The following PFKFB3 variants were observed in gnomAD, a reference collection of about 807,000 sequenced individuals.
PFKFB3 encodes the protein 6-phosphofructo-2-kinase/fructose-2,6-biphosphatase 3, also known as 6-phosphofructo-2-kinase/fructose-2,6-bisphosphatase 3.
A neutral mutation model predicts 68.0 loss-of-function variants in PFKFB3; 33 were observed. The observed-to-expected ratio is 0.49, with a 90% confidence interval of 0.37 to 0.65. PFKFB3 has a LOEUF of 0.65. Ranked by LOEUF, PFKFB3 falls within the 30% of genes least tolerant of loss-of-function variation. PFKFB3 has a pLI of 0.00. For synonymous variants in PFKFB3, 315 were observed against 288.2 expected (o/e 1.09, Z -0.94); for missense variants, 586 against 712.2 (o/e 0.82, Z 2.02).
At chr10:6,200,672 G>T (rs1588460477), upstream of PFKFB3, among the ~76,000 whole-genome samples, 2 of 129,488 alleles carry the variant, frequency 1.5e-5, no homozygotes, top group Admixed American at 7.4e-5. Flanking sequence ...GGGGGGGGGG[G>T]GGGCGGGGGG....
chr10:6,206,738 A>C (rs1196153585), intron 1 of PFKFB3, among the ~76,000 whole-genome samples: 90 of 145,176 alleles, frequency 6.2e-4, no homozygotes, highest in Middle Eastern at 7.9e-3. Flanking sequence ...GGCGGCCAGG[A>C]AGAGGCGCTC....
intron 1 of PFKFB3, among the ~76,000 whole-genome samples, chr10:6,203,860 T>A (rs1268108147): frequency 6.6e-6 from 1 of 152,228 alleles, no homozygotes; most frequent in East Asian, 1.9e-4. Context: ...TTTTTCTCTG[T>A]TTCTACCTCC....
intron 1 of PFKFB3, among the ~76,000 whole-genome samples, chr10:6,196,963 C>A (rs2131837452): frequency 6.6e-6 from 1 of 151,860 alleles, no homozygotes; most frequent in African/African-American, 2.4e-5. Flanking sequence ...TTTTATACTG[C>A]ATTTTTACTG....
the PFKFB3 span, among the ~76,000 whole-genome samples, chr10:6,303,059 C>T: frequency 0.63 from 95,529 of 151,986 alleles, 31,433 homozygotes; most frequent in East Asian, 0.74. Flanking sequence ...TAAGATCAAG[C>T]GTAGGACTGG....
chr10:6,291,945 GTTTT>G, the PFKFB3 span, among the ~76,000 whole-genome samples: 75 of 94,374 alleles, frequency 7.9e-4, no homozygotes, highest in African/African-American at 2.8e-3. Flanking sequence ...GAAACCAGTG[GTTTT>G]TTTTTTTTTT....
intron 1 of PFKFB3, among the ~76,000 whole-genome samples, chr10:6,212,871 A>T (rs1037919771): frequency 1.3e-5 from 2 of 151,890 alleles, no homozygotes; most frequent in Non-Finnish European, 2.9e-5. Context: ...CTCTGTGTGG[A>T]GGTTTGGATA....
At chr10:6,264,517 A>T in the PFKFB3 span, among the ~76,000 whole-genome samples, 5 of 152,104 alleles carry the variant, frequency 3.3e-5, no homozygotes, top group African/African-American at 1.2e-4. Flanking sequence ...TTTAATGTTT[A>T]TGTCTTCTGT....
At chr10:6,210,336 G>GTTTTTTTTTT (rs35193180) in intron 1 of PFKFB3, among the ~76,000 whole-genome samples, 1 of 61,016 alleles carries the variant, frequency 1.6e-5, no homozygotes, top group African/African-American at 3.7e-5. Flanking sequence ...CCCTCTCTTT[G>GTTTTTTTTTT]TTTTTTTTTG....
At chr10:6,288,310 G>A in the PFKFB3 span, among the ~76,000 whole-genome samples, 7 of 147,186 alleles carry the variant, frequency 4.8e-5, no homozygotes, top group African/African-American at 5.0e-5. Context: ...CCATTAACTC[G>A]TCATTTAGCA....
intron 14 of PFKFB3, among the ~76,000 whole-genome samples, chr10:6,246,342 A>ATTT (rs928026020): frequency 1.4e-4 from 21 of 149,232 alleles, no homozygotes; most frequent in Admixed American, 7.3e-4. Context: ...TATTATTATT[A>ATTT]TTATTAATTT....
Position 6,220,291 on chromosome 10 carries a change from T to C in PFKFB3, c.624-367T>C, listed in dbSNP as rs1476232645. Among the ~76,000 whole-genome samples the C allele has an allele frequency of 6.6e-6, 1 of 152,004 alleles. No homozygotes were observed. Among genetic ancestry groups the C allele is most frequent in the African/African-American group, 2.4e-5 (1 of 41,372 alleles). On this transcript the variant is annotated intron_variant, in intron 7 of 14. Coordinates refer to ENST00000379775, the MANE Select transcript of PFKFB3 (RefSeq NM_004566.4). The surrounding 1 kb of genome is among the most constrained non-coding windows in gnomAD (Gnocchi z 4.1). ...TAATTTTTTTTTTCTTTAGTAGAGA[T>C]GAGGTCTTGCTATGTTGCCCAGGCT...
At chr10:6,222,688 TG>T in intron 10 of PFKFB3, 166 bp from the exon 11 acceptor site, 1 of 651,510 alleles carries the variant, frequency 1.5e-6, no homozygotes, top group Non-Finnish European at 2.4e-6. Context: ...TCACTCTTTT[TG>T]TGGCTGAGCA....
chr10:6,177,442 T>TTCTTCCTTTCTTTTCTTTC (rs1842543458), intron 1 of PFKFB3, among the ~76,000 whole-genome samples: 136 of 108,016 alleles, frequency 1.3e-3, no homozygotes, highest in South Asian at 3.5e-3. Flanking sequence ...TTCTTTCTCT[T>TTCTTCCTTTCTTTTCTTTC]TCTTTCTTTC....
chr10:6,289,539 G>A, the PFKFB3 span, among the ~76,000 whole-genome samples: 2 of 134,154 alleles, frequency 1.5e-5, no homozygotes, highest in Admixed American at 7.6e-5. Context: ...ATTTCTGAGG[G>A]CTCTGTTCTG....
rs1247509117 is a variant in PFKFB3, at chr10:6,232,994, C to G, written c.*52C>G. 6.9e-7 allele frequency: 1 copy of G among 1,452,996 alleles called. No individual in the cohort carries two copies. The highest frequency in any genetic ancestry group is 9.7e-7 in the Non-Finnish European group (1 of 1,033,582). 90.0% of individuals were successfully genotyped at this position (1,452,996 alleles called of 1,614,324 possible). A position where few individuals can be genotyped will look rare whatever the true frequency, so the allele number is the denominator to read the frequency against. On this transcript the variant is annotated 3_prime_UTR_variant, in exon 15 of 15. Transcript: ENST00000379775. ...TCCATTTCTGCAGCTTAGCTTGTGTCCTGCCCTCCGCCCGAGGCAAAACGT... is the reference window on the plus strand; with the variant it reads ...TCCATTTCTGCAGCTTAGCTTGTGTGCTGCCCTCCGCCCGAGGCAAAACGT...
chr10:6,263,047 G>A, the PFKFB3 span, among the ~76,000 whole-genome samples: 4 of 152,188 alleles, frequency 2.6e-5, no homozygotes, highest in African/African-American at 9.7e-5. Context: ...AAATATAGAG[G>A]TGTGAAGTTG....
chr10:6,221,964 A>G (rs1343234243), intron 10 of PFKFB3, among the ~76,000 whole-genome samples: 2 of 152,170 alleles, frequency 1.3e-5, no homozygotes, highest in African/African-American at 4.8e-5. Flanking sequence ...CTAGGGACAT[A>G]GAACTATATG....
chr10:6,144,952 T>G, exon 1 of PFKFB3: 1 of 1,259,414 alleles, frequency 7.9e-7, no homozygotes, highest in Non-Finnish European at 1.0e-6. Flanking sequence ...GACGTCGTCC[T>G]GTCTGGGTGT....
intron 5 of PFKFB3, 78 bp downstream of exon 5, chr10:6,216,858 T>C (rs112529277): frequency 1.0e-6 from 1 of 979,012 alleles, no homozygotes; most frequent in Non-Finnish European, 1.6e-6. Flanking sequence ...GAGTCCTGCT[T>C]GGTCCTTCCC....
Sources: gnomAD v4.1 joint callset for allele counts (sites outside exome capture counted in the v4.1 genomes callset) on GRCh38, gnomAD v4.1.1 for gene constraint, Gnocchi (gnomAD v3.1) non-coding constraint, MANE v1.5 for transcripts, NCBI Gene and HGNC (gene_info 2026-07-23, HGNC 2026-07-21) for gene names.